The following FBXL7 variants were observed in gnomAD, a reference collection of about 807,000 sequenced individuals.
FBXL7 encodes F-box/LRR-repeat protein 7.
Under a neutral mutation model 38.3 loss-of-function variants are expected in FBXL7, and 12 were observed. The ratio of observed to expected loss-of-function variants is 0.31; its 90% CI spans 0.20 to 0.51. The LOEUF (loss-of-function observed/expected upper bound fraction) is 0.51. Among genes scored for constraint, FBXL7 ranks in the 20% least tolerant of loss-of-function variants. The pLI, the probability that FBXL7 is intolerant of heterozygous loss-of-function variation, is 0.98. For synonymous variants in FBXL7, 297 were observed against 300.9 expected (o/e 0.99, Z 0.13); for missense variants, 567 against 676.4 (o/e 0.84, Z 1.79).
chr5:15,767,678 C>A (rs374906539), intron 2 of FBXL7, among the ~76,000 whole-genome samples: 2 of 152,126 alleles, frequency 1.3e-5, no homozygotes, highest in African/African-American at 4.8e-5. Context: ...CCTTATTTCA[C>A]GCCTTTGCTA....
intron 2 of FBXL7, among the ~76,000 whole-genome samples, chr5:15,762,389 G>C (rs1736471911): frequency 6.6e-6 from 1 of 152,164 alleles, no homozygotes; most frequent in Admixed American, 6.5e-5. Flanking sequence ...TAGGGTGGGG[G>C]AATGCCTGGG....
At position 15,666,978 on chromosome 5, in the gene FBXL7, G is replaced by A. The variant is rs371195730; in HGVS notation, c.127+50906G>A. Among the ~76,000 whole-genome samples the A allele has an allele frequency of 5.8e-4, 88 of 152,242 alleles. 1 individual carries two copies. The East Asian group carries it at 0.016, about 27-fold the overall frequency. On this transcript the variant is annotated intron_variant, in intron 2 of 3. Coordinates refer to ENST00000504595, the MANE Select transcript of FBXL7 (RefSeq NM_012304.5). Reference sequence around the variant, plus strand: ...TTTTAACAGCAGTAATCTTTTATAAGAGTTTTAAGTATTATAACCTTGTTT... The same window carrying A: ...TTTTAACAGCAGTAATCTTTTATAAAAGTTTTAAGTATTATAACCTTGTTT...
intron 2 of FBXL7, among the ~76,000 whole-genome samples, chr5:15,809,781 A>G (rs1307988912): frequency 2.6e-5 from 4 of 152,208 alleles, no homozygotes; most frequent in African/African-American, 9.6e-5. Context: ...AGGACAAAAG[A>G]TGAGAAAAGA....
intron 1 of FBXL7, among the ~76,000 whole-genome samples, chr5:15,511,562 T>C (rs539271921): frequency 8.5e-5 from 13 of 152,252 alleles, no homozygotes; most frequent in African/African-American, 2.7e-4. Context: ...TGGGGAATTA[T>C]CTCAACATAT....
chr5:15,561,537 T>C (rs761367918), intron 1 of FBXL7, among the ~76,000 whole-genome samples: 1 of 152,136 alleles, frequency 6.6e-6, no homozygotes, highest in Non-Finnish European at 1.5e-5. Flanking sequence ...AATGCAAATA[T>C]CTTTACTACG....
chr5:15,610,075 C>T (rs1375456675), intron 1 of FBXL7, among the ~76,000 whole-genome samples: 1 of 152,168 alleles, frequency 6.6e-6, no homozygotes, highest in Non-Finnish European at 1.5e-5. Flanking sequence ...ACCATCAGAT[C>T]TTGTGAGACT....
chr5:15,925,821 C>T (rs1741864625), intron 2 of FBXL7, among the ~76,000 whole-genome samples: 1 of 152,154 alleles, frequency 6.6e-6, no homozygotes, highest in Non-Finnish European at 1.5e-5. Flanking sequence ...TTTACTATGG[C>T]TTAAATACAA....
intron 2 of FBXL7, among the ~76,000 whole-genome samples, chr5:15,645,780 G>A (rs1261975301): frequency 6.6e-6 from 1 of 152,184 alleles, no homozygotes; most frequent in Non-Finnish European, 1.5e-5. Flanking sequence ...AGGCTTATTT[G>A]GTTCAGTTCT....
chr5:15,829,644 T>C (rs1020644835), intron 2 of FBXL7, among the ~76,000 whole-genome samples: 4 of 152,204 alleles, frequency 2.6e-5, no homozygotes, highest in African/African-American at 9.6e-5. Context: ...CTTAATAGCA[T>C]TGGCTTTCTT....
intron 1 of FBXL7, among the ~76,000 whole-genome samples, chr5:15,571,836 A>G (rs1738797587): frequency 6.6e-6 from 1 of 152,036 alleles, no homozygotes; most frequent in Non-Finnish European, 1.5e-5. Context: ...CAGTGCCCTC[A>G]GGGAGGGCAG....
chr5:15,820,004 A>T (rs567842876), intron 2 of FBXL7, among the ~76,000 whole-genome samples: 306 of 152,314 alleles, frequency 2.0e-3, no homozygotes, highest in African/African-American at 7.0e-3. Context: ...CTCCATATTG[A>T]ATTCTAGAAT....
chr5:15,756,406 C>A (rs1033042879), intron 2 of FBXL7, among the ~76,000 whole-genome samples: 6 of 152,188 alleles, frequency 3.9e-5, no homozygotes, highest in African/African-American at 1.4e-4. Flanking sequence ...TTACTTACCT[C>A]ATCCTTATAA....
intron 1 of FBXL7, among the ~76,000 whole-genome samples, chr5:15,519,035 C>G (rs115523782): frequency 6.6e-6 from 1 of 152,194 alleles, no homozygotes; most frequent in Non-Finnish European, 1.5e-5. Context: ...CAGAGCCAAC[C>G]AGCATGAGTT....
At chr5:15,898,343 A>G (rs1741153662) in intron 2 of FBXL7, among the ~76,000 whole-genome samples, 1 of 150,654 alleles carries the variant, frequency 6.6e-6, no homozygotes. Flanking sequence ...AACATGACGA[A>G]AAGGCCTAAG....
intron 2 of FBXL7, among the ~76,000 whole-genome samples, chr5:15,767,481 C>T (rs1328289744): frequency 6.6e-6 from 1 of 152,084 alleles, no homozygotes; most frequent in Non-Finnish European, 1.5e-5. Flanking sequence ...TCCCCAAGAC[C>T]CAGAACCACC....
chr5:15,718,284 A>G lies in FBXL7; in HGVS notation c.127+102212A>G, dbSNP rs549714490. Among the ~76,000 whole-genome samples the G allele has an allele frequency of 3.3e-5, 5 of 152,248 alleles. No homozygotes were observed. In the East Asian group the frequency reaches 9.7e-4, roughly 29 times the overall value. On this transcript the variant is annotated intron_variant, in intron 2 of 3. Transcript: ENST00000504595. Reference sequence around the variant, plus strand: ...CTCTTGCGCTTTTTTTGTAGGTTTGACGTTTTTCAAAATAAAAAGTTGAGG... The same window carrying G: ...CTCTTGCGCTTTTTTTGTAGGTTTGGCGTTTTTCAAAATAAAAAGTTGAGG...
At chr5:15,538,853 T>C (rs1737659506) in intron 1 of FBXL7, among the ~76,000 whole-genome samples, 1 of 152,202 alleles carries the variant, frequency 6.6e-6, no homozygotes, top group Admixed American at 6.5e-5. Context: ...TTGAGATTTA[T>C]ACAAACTCAG....
In FBXL7 at chr5:15,700,950, C is replaced by T. The variant is rs1477623297; in HGVS notation, c.127+84878C>T. On this transcript the variant is annotated intron_variant, in intron 2 of 3. Transcript: ENST00000504595. ...TAAGTCGGGTACATAAAATATTTTG[C>T]CTCAAATTATTATTTCAGAAAAAGT... 2.6e-5 allele frequency among the ~76,000 whole-genome samples: 4 copies of T among 151,640 alleles called. 1 individual carries two copies. The highest frequency in any genetic ancestry group is 1.3e-4 in the Admixed American group (2 of 15,192).
At chr5:15,630,952 G>A (rs900966021) in intron 2 of FBXL7, among the ~76,000 whole-genome samples, 1 of 151,904 alleles carries the variant, frequency 6.6e-6, no homozygotes, top group African/African-American at 2.4e-5. Flanking sequence ...TTTGTGAGGA[G>A]TAAATTAAAA....
Sources: gnomAD v4.1 joint callset for allele counts (sites outside exome capture counted in the v4.1 genomes callset) on GRCh38, gnomAD v4.1.1 for gene constraint, MANE v1.5 for transcripts, NCBI Gene and HGNC (gene_info 2026-07-23, HGNC 2026-07-21) for gene names.